The following CADPS variants were observed in gnomAD, a reference collection of about 807,000 sequenced individuals.
CADPS encodes calcium dependent secretion activator, also known as calcium-dependent secretion activator 1.
Under a neutral mutation model 167.3 loss-of-function variants are expected in CADPS, and 57 were observed. That is an observed-to-expected ratio of 0.34 (90% CI 0.28 to 0.42). The LOEUF is 0.42. CADPS is among the 20% of genes least tolerant of loss of function. The probability of loss-of-function intolerance (pLI) is 1.00; values close to 1 mark genes in which losing one functional copy is unlikely to be tolerated. For missense variants in CADPS, 1,414 were observed against 1,738.1 expected (o/e 0.81, Z 3.32); for synonymous variants, 676 against 635.3 (o/e 1.06, Z -0.96).
chr3:62,646,452 G>T (rs532980516), intron 5 of CADPS, among the ~76,000 whole-genome samples: 1 of 152,054 alleles, frequency 6.6e-6, no homozygotes, highest in East Asian at 1.9e-4. Context: ...GATTACAGGC[G>T]TGAGCCACCA....
chr3:62,734,967 T>A (rs1575625456), intron 3 of CADPS, among the ~76,000 whole-genome samples: 1 of 152,322 alleles, frequency 6.6e-6, no homozygotes, highest in Admixed American at 6.5e-5. Context: ...GTACAACTAA[T>A]TGAAACATTA....
chr3:62,857,674 A>C (rs867543005), intron 1 of CADPS, among the ~76,000 whole-genome samples: 1 of 152,180 alleles, frequency 6.6e-6, no homozygotes, highest in Middle Eastern at 3.5e-3. Flanking sequence ...ATTAACCTCT[A>C]TATATCCATG....
chr3:62,715,682 C>G (rs557945627), intron 3 of CADPS, among the ~76,000 whole-genome samples: 1 of 150,338 alleles, frequency 6.7e-6, no homozygotes, highest in East Asian at 2.0e-4. Flanking sequence ...ACGTTTATCC[C>G]TTGCTTGTGG....
chr3:62,478,536 G>T lies in CADPS; in HGVS notation c.3174-120C>A. 3.4e-6 allele frequency: 3 copies of T among 881,750 alleles called. No individual in the cohort carries two copies. Among genetic ancestry groups the T allele is most frequent in the East Asian group, 5.3e-5 (2 of 37,730 alleles). The allele number at this position is 881,750 out of a possible 1,614,324, so 54.6% of individuals were successfully genotyped here. On this transcript the variant is annotated intron_variant, in intron 22 of 29. Transcript: ENST00000383710. This position sits in a 1 kb window ranked among gnomAD's most constrained non-coding sequence, Gnocchi z 5.7. ...GCAGCTTCAACATACAAAACAACGT[G>T]TGTTGGCGGTGGAGGCGGGGGCGAG...
At chr3:62,524,817 A>G (rs897311613) in intron 13 of CADPS, among the ~76,000 whole-genome samples, 1 of 152,190 alleles carries the variant, frequency 6.6e-6, no homozygotes, top group Admixed American at 6.5e-5. Context: ...GAAATTGTAT[A>G]AAATGCAGGA....
chr3:62,779,774 G>A (rs968233848), intron 1 of CADPS: 3 of 320,142 alleles, frequency 9.4e-6, no homozygotes, highest in African/African-American at 4.4e-5. Context: ...CCTCCACGAA[G>A]CTCCTCAACA....
intron 5 of CADPS, among the ~76,000 whole-genome samples, chr3:62,648,507 C>T (rs577800342): frequency 6.6e-6 from 1 of 151,700 alleles, no homozygotes; most frequent in East Asian, 1.9e-4. Flanking sequence ...CATGGCAAAA[C>T]CCCATCTCTA....
At chr3:62,784,391 A>G (rs536595711) in intron 1 of CADPS, among the ~76,000 whole-genome samples, 37 of 152,338 alleles carry the variant, frequency 2.4e-4, no homozygotes, top group African/African-American at 7.0e-4. Context: ...ATAATTCATG[A>G]GAAAAATTTT....
At chr3:62,568,383 A>G (rs556223742) in intron 9 of CADPS, among the ~76,000 whole-genome samples, 22 of 152,378 alleles carry the variant, frequency 1.4e-4, no homozygotes, top group Admixed American at 1.2e-3. Flanking sequence ...CAGTGCAGCT[A>G]GAACGAAGCA....
intron 3 of CADPS, among the ~76,000 whole-genome samples, chr3:62,729,596 C>T (rs972613785): frequency 2.6e-5 from 4 of 151,868 alleles, no homozygotes; most frequent in Non-Finnish European, 5.9e-5. Flanking sequence ...CTCAATTTCA[C>T]AATCTTTAAA....
intron 3 of CADPS, among the ~76,000 whole-genome samples, chr3:62,708,300 T>A (rs1164336289): frequency 6.6e-6 from 1 of 152,140 alleles, no homozygotes; most frequent in African/African-American, 2.4e-5. Flanking sequence ...ATGTATTATA[T>A]GTATTTGTGT....
At chr3:62,461,142 C>T (rs2059294611) in intron 26 of CADPS, among the ~76,000 whole-genome samples, 1 of 152,166 alleles carries the variant, frequency 6.6e-6, no homozygotes, top group Non-Finnish European at 1.5e-5. Flanking sequence ...TCAACATCTG[C>T]AGAAGAGTGT....
chr3:62,421,752 G>C lies in CADPS; in HGVS notation c.3777+16352C>G, dbSNP rs2051451162. 6.6e-6 allele frequency among the ~76,000 whole-genome samples: 1 copy of C among 152,200 alleles called. No individual in the cohort carries two copies. The highest frequency in any genetic ancestry group is 1.5e-5 in the Non-Finnish European group (1 of 68,046). On this transcript the variant is annotated intron_variant, in intron 28 of 29. Transcript: ENST00000383710. This position sits in a 1 kb window ranked among gnomAD's most constrained non-coding sequence, Gnocchi z 4.7. ...TAATAATATTGTGTGTGAGGCTGGA[G>C]ACGCATTTGGAGTTCTTTCCTAGGG... is the stretch of plus-strand genomic sequence containing the variant.
At chr3:62,500,492 G>C (rs868658206) in intron 17 of CADPS, 4 of 152,128 alleles carry the variant, frequency 2.6e-5, no homozygotes, top group African/African-American at 9.7e-5. Flanking sequence ...GAAACTGCTT[G>C]GATTCAACCA....
intron 9 of CADPS, among the ~76,000 whole-genome samples, chr3:62,568,649 C>T (rs1324433581): frequency 6.6e-6 from 1 of 152,172 alleles, no homozygotes; most frequent in Non-Finnish European, 1.5e-5. Context: ...TTCTTTCTTC[C>T]CCAGCTTGCA....
chr3:62,535,033 A>C (rs1251713800), intron 12 of CADPS, among the ~76,000 whole-genome samples: 2 of 152,112 alleles, frequency 1.3e-5, no homozygotes, highest in Non-Finnish European at 2.9e-5. Flanking sequence ...AATGTGAAAA[A>C]GTCTTGGAAA....
chr3:62,466,672 CTT>C (rs2059971621), intron 24 of CADPS: 1 of 477,550 alleles, frequency 2.1e-6, no homozygotes, highest in Non-Finnish European at 3.8e-6. Context: ...CACTTAAACA[CTT>C]TTACAAATAG....
intron 1 of CADPS, among the ~76,000 whole-genome samples, chr3:62,790,474 A>G (rs1191243741): frequency 6.6e-6 from 1 of 152,144 alleles, no homozygotes; most frequent in Non-Finnish European, 1.5e-5. Context: ...ATTTTGAAAG[A>G]GTATAAGAAA....
At chr3:62,557,574 TC>T in intron 9 of CADPS, 61 bp from the exon 10 acceptor site, 1 of 1,263,352 alleles carries the variant, frequency 7.9e-7, no homozygotes. Context: ...CAAAAAACCC[TC>T]CCCCATGTTC....
Sources: allele counts gnomAD v4.1 joint callset (sites outside exome capture counted in the v4.1 genomes callset), GRCh38; gene constraint gnomAD v4.1.1; non-coding constraint Gnocchi (gnomAD v3.1); transcripts MANE v1.5; gene names NCBI Gene and HGNC (gene_info 2026-07-23, HGNC 2026-07-21).